Variants in TESK2 observed in about 807,000 individuals in gnomAD.
The protein encoded by TESK2 is dual specificity testis-specific protein kinase 2.
A neutral mutation model predicts 57.1 loss-of-function variants in TESK2; 39 were observed. The ratio of observed to expected loss-of-function variants is 0.68; its 90% CI spans 0.53 to 0.89. The LOEUF (loss-of-function observed/expected upper bound fraction) is 0.89. Ranked by LOEUF, TESK2 falls within the 40% of genes least tolerant of loss-of-function variation. TESK2 has a pLI of 0.00. For synonymous variants in TESK2, 249 were observed against 267.9 expected (o/e 0.93, Z 0.69); for missense variants, 646 against 732.1 (o/e 0.88, Z 1.36).
At chr1:45,366,334 G>A (rs141750842) in intron 4 of TESK2, among the ~76,000 whole-genome samples, 54 of 152,118 alleles carry the variant, frequency 3.5e-4, no homozygotes, top group African/African-American at 1.1e-3. Flanking sequence ...TGATCTGACC[G>A]CTTAAGCCTC....
At chr1:45,483,692 G>A (rs574259795) in intron 1 of TESK2, among the ~76,000 whole-genome samples, 1 of 152,062 alleles carries the variant, frequency 6.6e-6, no homozygotes, top group African/African-American at 2.4e-5. Context: ...GGCGGCGGAG[G>A]GGGGGTCAAA....
intron 4 of TESK2, among the ~76,000 whole-genome samples, chr1:45,368,684 T>G (rs371187496): frequency 2.1e-4 from 31 of 150,622 alleles, no homozygotes; most frequent in African/African-American, 5.4e-4. Context: ...TGGTTGGTTG[T>G]TTGTTTTTTG....
At position 45,419,206 on chromosome 1, in the gene TESK2, G is replaced by C. The variant is rs2149286134; in HGVS notation, c.344+2519C>G. On this transcript the variant is annotated intron_variant, in intron 3 of 10. Transcript: ENST00000372086. ...TTGGCCAGGATGGTCTCGAACTCTT[G>C]ACCTTGTGATCTGCCTGCCTCAGCC... 1.3e-5 allele frequency among the ~76,000 whole-genome samples: 2 copies of C among 152,184 alleles called. 1 individual carries two copies. The highest frequency in any genetic ancestry group is 4.1e-4 in the South Asian group (2 of 4,822).
At chr1:45,472,704 T>C (rs1428034110) in intron 1 of TESK2, among the ~76,000 whole-genome samples, 5 of 152,082 alleles carry the variant, frequency 3.3e-5, no homozygotes, top group Admixed American at 6.6e-5. Flanking sequence ...GGATATGATG[T>C]GTAAGGAGAC....
At chr1:45,440,747 A>AAT (rs1486814559) in intron 2 of TESK2, among the ~76,000 whole-genome samples, 35 of 151,894 alleles carry the variant, frequency 2.3e-4, no homozygotes, top group African/African-American at 8.0e-4. Flanking sequence ...AAACAAACAA[A>AAT]ATATATATAT....
intron 4 of TESK2, among the ~76,000 whole-genome samples, chr1:45,369,327 C>G (rs573926409): frequency 6.6e-6 from 1 of 151,990 alleles, no homozygotes; most frequent in African/African-American, 2.4e-5. Flanking sequence ...TGTGAAACCC[C>G]GTCTCTACTA....
intron 4 of TESK2, among the ~76,000 whole-genome samples, chr1:45,356,839 A>G (rs149159309): frequency 3.3e-5 from 5 of 152,244 alleles, no homozygotes; most frequent in Admixed American, 2.0e-4. Context: ...AACATGTAAG[A>G]TGGGAAATCA....
At chr1:45,488,675 G>A (rs1653583665) in intron 1 of TESK2, among the ~76,000 whole-genome samples, 1 of 152,162 alleles carries the variant, frequency 6.6e-6, no homozygotes, top group South Asian at 2.1e-4. Flanking sequence ...TATGTACCTG[G>A]CATATAGTAT....
chr1:45,484,596 C>T (rs1653379107), intron 1 of TESK2, among the ~76,000 whole-genome samples: 1 of 151,670 alleles, frequency 6.6e-6, no homozygotes, highest in South Asian at 2.1e-4. Flanking sequence ...ATTAGCCGGG[C>T]GTGGTGGTGC....
At chr1:45,477,030 G>T (rs1653024544) in intron 1 of TESK2, among the ~76,000 whole-genome samples, 1 of 144,262 alleles carries the variant, frequency 6.9e-6, no homozygotes, top group Non-Finnish European at 1.5e-5. Flanking sequence ...TTGAATTCCT[G>T]GCCAACGTGG....
chr1:45,393,523 A>T (rs2149277473), intron 3 of TESK2, among the ~76,000 whole-genome samples: 1 of 152,254 alleles, frequency 6.6e-6, no homozygotes, highest in South Asian at 2.1e-4. Context: ...TGGGAGGATC[A>T]CGAGGTCAAG....
intron 1 of TESK2, among the ~76,000 whole-genome samples, chr1:45,466,225 C>G (rs1652546081): frequency 6.6e-6 from 1 of 151,970 alleles, no homozygotes; most frequent in African/African-American, 2.4e-5. Context: ...ACCTGTAATC[C>G]CAGCACTTTG....
intron 1 of TESK2, among the ~76,000 whole-genome samples, chr1:45,464,255 G>A (rs1036045922): frequency 3.3e-5 from 5 of 151,474 alleles, no homozygotes; most frequent in African/African-American, 1.2e-4. Flanking sequence ...GTGAAACCCC[G>A]TCTCTACTAA....
At chr1:45,416,433 C>A (rs1650246488) in intron 3 of TESK2, among the ~76,000 whole-genome samples, 1 of 151,954 alleles carries the variant, frequency 6.6e-6, no homozygotes, top group Admixed American at 6.6e-5. Context: ...GCACACCCAA[C>A]CTAAAGCCTT....
intron 1 of TESK2, among the ~76,000 whole-genome samples, chr1:45,484,104 CTTTTTTT>C (rs533666070): frequency 2.4e-5 from 2 of 84,848 alleles, no homozygotes; most frequent in East Asian, 3.8e-4. Flanking sequence ...TTTAATTCTT[CTTTTTTT>C]TTTTTTTTTT....
intron 4 of TESK2, among the ~76,000 whole-genome samples, chr1:45,367,944 C>A (rs1648004838): frequency 6.6e-6 from 1 of 151,670 alleles, no homozygotes; most frequent in African/African-American, 2.4e-5. Context: ...CAGGCGTAAG[C>A]CACCATGCCT....
At chr1:45,430,644 T>C (rs1650910273) in intron 2 of TESK2, among the ~76,000 whole-genome samples, 1 of 152,222 alleles carries the variant, frequency 6.6e-6, no homozygotes, top group Admixed American at 6.5e-5. Flanking sequence ...ATGAGACAGC[T>C]AGGGTTAGTT....
At chr1:45,444,980 T>C (rs925514045) in intron 2 of TESK2, among the ~76,000 whole-genome samples, 1 of 119,712 alleles carries the variant, frequency 8.4e-6, no homozygotes, top group Admixed American at 8.9e-5. Flanking sequence ...GTCACAAGAT[T>C]TGTAACTTCC....
At chr1:45,427,062 G>A (rs2149288770) in intron 2 of TESK2, among the ~76,000 whole-genome samples, 1 of 152,062 alleles carries the variant, frequency 6.6e-6, no homozygotes, top group Admixed American at 6.5e-5. Context: ...GGCCAACATG[G>A]TAAAACCCCG....
Sources: gnomAD v4.1 joint callset for allele counts (sites outside exome capture counted in the v4.1 genomes callset) on GRCh38, gnomAD v4.1.1 for gene constraint, MANE v1.5 for transcripts, NCBI Gene and HGNC (gene_info 2026-07-23, HGNC 2026-07-21) for gene names.